Variants in C8B observed in about 807,000 individuals in gnomAD.
The protein encoded by C8B is complement component C8 beta chain.
C8B carries 67 observed loss-of-function variants against 64.6 expected under a neutral mutation model. The observed-to-expected ratio is 1.04, with a 90% confidence interval of 0.85 to 1.27. The LOEUF is 1.27. Among genes scored for constraint, C8B ranks in the 50% most tolerant of loss-of-function variants. C8B has a pLI of 0.00. For missense variants in C8B, 790 were observed against 725.2 expected (o/e 1.09, Z -1.03); for synonymous variants, 284 against 257.7 (o/e 1.10, Z -0.98).
At position 56,956,759 on chromosome 1, in the gene C8B, T is replaced by A; in HGVS notation, c.391+10A>T. 2 of 1,613,858 alleles carry A rather than the reference T, an allele frequency of 1.2e-6. No homozygotes were observed. The highest frequency in any genetic ancestry group is 2.7e-5 in the African/African-American group (2 of 75,024). ...AGGCTTTCCCCTCTTACTCCTACATTGATTTATACCTGTCTGTGCACACAC... is the reference window on the plus strand; with the variant it reads ...AGGCTTTCCCCTCTTACTCCTACATAGATTTATACCTGTCTGTGCACACAC... On this transcript the variant is annotated intron_variant, in intron 3 of 11. Transcript: ENST00000371237.
intron 9 of C8B, 123 bp downstream of exon 9, chr1:56,940,726 T>A (rs559501878): frequency 3.0e-6 from 3 of 1,007,854 alleles, no homozygotes; most frequent in Non-Finnish European, 4.7e-6. Context: ...TACTATCGTA[T>A]ATGTGTCCCA....
chr1:56,953,501 A>G (rs1645056107), intron 4 of C8B, among the ~76,000 whole-genome samples: 2 of 152,170 alleles, frequency 1.3e-5, no homozygotes, highest in Non-Finnish European at 2.9e-5. Context: ...AGGGTAACTG[A>G]CTAACCCAGA....
intron 2 of C8B, among the ~76,000 whole-genome samples, chr1:56,958,579 C>T (rs1645134324): frequency 1.3e-5 from 2 of 151,796 alleles, no homozygotes; most frequent in Admixed American, 1.3e-4. Flanking sequence ...ATATATCACC[C>T]AATCTGACTT....
chr1:56,953,204 C>T (rs533487970), intron 4 of C8B, among the ~76,000 whole-genome samples: 31 of 152,306 alleles, frequency 2.0e-4, no homozygotes, highest in African/African-American at 7.5e-4. Flanking sequence ...TCTCTAACTA[C>T]TGAAATTTCT....
intron 1 of C8B, among the ~76,000 whole-genome samples, chr1:56,962,795 G>A (rs1645196724): frequency 6.6e-6 from 1 of 152,118 alleles, no homozygotes; most frequent in African/African-American, 2.4e-5. Flanking sequence ...TTTCCTTCCA[G>A]TCTCTTTTAG....
chr1:56,960,087 A>C lies in C8B; in HGVS notation c.182T>G (p.Met61Arg). ...RQMRSVDVTLMPIDCELSSWS... is the reference protein window; with the variant it reads ...RQMRSVDVTLRPIDCELSSWS... The stretch of plus-strand genomic sequence containing the variant: ...ACTAGACAGCTCACAATCAATGGGC[A>C]TCAGGGTAACATCCACACTCCGCAT... Residue 61 changes from methionine to arginine, a missense_variant, in exon 2 of 12, where the codon ATG (methionine) becomes AGG (arginine). By Grantham distance (91) the Met-to-Arg change is moderately conservative. Transcript: ENST00000371237. The C allele has an allele frequency of 6.2e-7, 1 of 1,614,168 alleles. No individual in the cohort carries two copies. The highest frequency in any genetic ancestry group is 8.5e-7 in the Non-Finnish European group (1 of 1,180,020).
chr1:56,947,587 G>C (rs1350933266), intron 6 of C8B, among the ~76,000 whole-genome samples: 1 of 152,082 alleles, frequency 6.6e-6, no homozygotes, highest in South Asian at 2.1e-4. Context: ...CATTGTACTT[G>C]CTTGCATTTC....
chr1:56,954,937 C>T, intron 3 of C8B, 110 bp from the exon 4 acceptor site: 2 of 1,289,444 alleles, frequency 1.6e-6, no homozygotes, highest in Non-Finnish European at 2.2e-6. Context: ...TTGCATGCTG[C>T]CCTGTTTTAA....
intron 3 of C8B, 25 bp downstream of exon 3, chr1:56,956,744 C>G: frequency 6.2e-7 from 1 of 1,612,660 alleles, no homozygotes. Flanking sequence ...AGGCTTTCCC[C>G]TCTTACTCCT....
chr1:56,935,782 G>C (rs1433715841), intron 9 of C8B, among the ~76,000 whole-genome samples: 2 of 152,144 alleles, frequency 1.3e-5, no homozygotes, highest in African/African-American at 2.4e-5. Context: ...GTGGAAAAAG[G>C]GTGTGACCTG....
At chr1:56,960,462 G>T (rs983882805) in intron 1 of C8B, among the ~76,000 whole-genome samples, 1 of 152,142 alleles carries the variant, frequency 6.6e-6, no homozygotes, top group Non-Finnish European at 1.5e-5. Flanking sequence ...ATTATGGCTA[G>T]AGAAACATAT....
intron 8 of C8B, among the ~76,000 whole-genome samples, chr1:56,942,414 T>A (rs1400813139): frequency 6.6e-6 from 1 of 152,172 alleles, no homozygotes; most frequent in Non-Finnish European, 1.5e-5. Flanking sequence ...AGAACTGGTG[T>A]AAAACAGCCC....
In C8B at chr1:56,952,184, T is replaced by C. The variant is rs1234970471; in HGVS notation, c.534-4A>G. On this transcript the variant is annotated splice_region_variant and splice_polypyrimidine_tract_variant and intron_variant, in intron 4 of 11. Transcript: ENST00000371237. ...ACTGTTTGTGAACAAATTTATCCTG[T>C]GAGGAAGAGACAGAGATGGCGAAGA... The C allele has an allele frequency of 1.7e-5, 27 of 1,614,144 alleles. No homozygotes were observed. The highest frequency in any genetic ancestry group is 2.3e-5 in the Non-Finnish European group (27 of 1,180,002).
At chr1:56,948,029 G>A (rs970787671) in intron 6 of C8B, among the ~76,000 whole-genome samples, 12 of 152,110 alleles carry the variant, frequency 7.9e-5, no homozygotes, top group African/African-American at 2.7e-4. Context: ...CTGTGAACAC[G>A]AAGGCCAGAA....
chr1:56,936,342 C>T (rs1019597941), intron 9 of C8B, among the ~76,000 whole-genome samples: 1 of 152,144 alleles, frequency 6.6e-6, no homozygotes, highest in African/African-American at 2.4e-5. Flanking sequence ...ATCACTGTCC[C>T]TTTAATAGGT....
At chr1:56,958,308 C>T (rs1350672023) in intron 2 of C8B, among the ~76,000 whole-genome samples, 1 of 152,084 alleles carries the variant, frequency 6.6e-6, no homozygotes, top group Non-Finnish European at 1.5e-5. Flanking sequence ...GATAGCAGCC[C>T]CTGCTTTGCA....
intron 8 of C8B, 150 bp from the exon 9 acceptor site, chr1:56,941,162 A>C (rs2101386884): frequency 1.1e-6 from 1 of 892,354 alleles, no homozygotes; most frequent in Admixed American, 2.0e-5. Flanking sequence ...TCCACAGGGC[A>C]GTCATGGTGC....
intron 4 of C8B, 30 bp from the exon 5 acceptor site, chr1:56,952,210 G>T: frequency 6.2e-7 from 1 of 1,613,444 alleles, no homozygotes; most frequent in East Asian, 2.2e-5. Flanking sequence ...ATGGCGAAGA[G>T]GTTAAAGTTT....
Position 56,943,719 on chromosome 1 carries a change from C to G in C8B, c.1211G>C (p.Arg404Thr). 1 of 1,614,120 alleles carries G rather than the reference C, an allele frequency of 6.2e-7. No individual in the cohort carries two copies. The highest frequency in any genetic ancestry group is 8.5e-7 in the Non-Finnish European group (1 of 1,179,986). ...ACCTTTTATTTCATTCAGAATACCT[C>G]TGCATTTGCCTACAGACACACCCAG... ...VSLGVSVGKCRGILNEIKDRN... is the reference protein window; with the variant it reads ...VSLGVSVGKCTGILNEIKDRN... The change falls in exon 8 of 12, where the codon AGA (arginine) becomes ACA (threonine). Residue 404 changes from arginine to threonine, a missense_variant. Arg to Thr is a moderately conservative substitution (Grantham distance 71). Coordinates refer to ENST00000371237, the MANE Select transcript of C8B (RefSeq NM_000066.4).
Sources: allele counts gnomAD v4.1 joint callset (sites outside exome capture counted in the v4.1 genomes callset), GRCh38; gene constraint gnomAD v4.1.1; transcripts MANE v1.5; gene names NCBI Gene and HGNC (gene_info 2026-07-23, HGNC 2026-07-21).